The following AGAP2 variants were observed in gnomAD, a reference collection of about 807,000 sequenced individuals.
The protein encoded by AGAP2 is arf-GAP with GTPase, ANK repeat and PH domain-containing protein 2.
A neutral mutation model predicts 110.9 loss-of-function variants in AGAP2; 32 were observed. The ratio of observed to expected loss-of-function variants is 0.29; its 90% CI spans 0.22 to 0.39. AGAP2 has a LOEUF of 0.39. Among genes scored for constraint, AGAP2 ranks in the 10% least tolerant of loss-of-function variants. AGAP2 has a pLI of 1.00. For synonymous variants in AGAP2, 702 were observed against 713.0 expected (o/e 0.98, Z 0.25); for missense variants, 1,285 against 1,638.5 (o/e 0.78, Z 3.72).
At chr12:57,731,749 G>A in intron 8 of AGAP2, 60 bp downstream of exon 8, 2 of 1,571,026 alleles carry the variant, frequency 1.3e-6, no homozygotes, top group Non-Finnish European at 1.7e-6. Flanking sequence ...TAGGGACTAG[G>A]GAAGATGGGC....
upstream of AGAP2, chr12:57,739,936 G>T: frequency 6.6e-6 from 1 of 152,450 alleles, no homozygotes; most frequent in Non-Finnish European, 1.5e-5. Context: ...CCCTCTAGGG[G>T]TCTTGGAGTT....
Position 57,726,235 on chromosome 12 carries a change from G to A in AGAP2, c.*317C>T, listed in dbSNP as rs1954759836. On this transcript the variant is annotated 3_prime_UTR_variant, in exon 19 of 19. Transcript: ENST00000547588. This position sits in a 1 kb window ranked among gnomAD's most constrained non-coding sequence, Gnocchi z 5.7. ...GCCCCTAGGGGGCACAAGCGGGCAT[G>A]TCCAAGCGCCTAGGAGCCCGTACCG... 5.4e-6 allele frequency: 1 copy of A among 185,106 alleles called. No homozygotes were observed. The highest frequency in any genetic ancestry group is 2.0e-4 in the South Asian group (1 of 5,096). The allele number at this position is 185,106 out of a possible 1,614,324, so 11.5% of individuals were successfully genotyped here. A position where few individuals can be genotyped will look rare whatever the true frequency, so the allele number is the denominator to read the frequency against.
At chr12:57,731,067 T>A in intron 10 of AGAP2, 114 bp from the exon 11 acceptor site, 1 of 1,121,704 alleles carries the variant, frequency 8.9e-7, no homozygotes, top group South Asian at 1.7e-5. Context: ...GGGGGCCAAA[T>A]GGGTTGTGAT....
intron 3 of AGAP2, 36 bp from the exon 4 acceptor site, chr12:57,734,440 G>A: frequency 3.1e-6 from 5 of 1,610,800 alleles, no homozygotes; most frequent in Non-Finnish European, 4.2e-6. Context: ...ACAGGTCAGA[G>A]GTGACAGGTC....
At chr12:57,739,070 C>A (rs573398281), upstream of AGAP2, among the ~76,000 whole-genome samples, 1 of 148,638 alleles carries the variant, frequency 6.7e-6, no homozygotes, top group East Asian at 2.1e-4. Context: ...CTGGATTTCT[C>A]TCCCAAATCC....
At chr12:57,732,270 C>T in intron 7 of AGAP2, 133 bp downstream of exon 7, 2 of 921,184 alleles carry the variant, frequency 2.2e-6, no homozygotes, top group Non-Finnish European at 3.3e-6. Flanking sequence ...GCACTTTCTG[C>T]CAATAGTTTC....
intron 2 of AGAP2, among the ~76,000 whole-genome samples, chr12:57,735,008 C>CTG (rs144577553): frequency 3.3e-5 from 5 of 150,646 alleles, no homozygotes; most frequent in African/African-American, 1.2e-4. Context: ...GTGTGTGTCT[C>CTG]TGTGTGTGTG....
At position 57,727,681 on chromosome 12, in the gene AGAP2, TG is replaced by T; in HGVS notation, c.2856del (p.Asn953ThrfsTer7). The T allele has an allele frequency of 1.2e-6, 2 of 1,605,932 alleles. No homozygotes were observed. On this transcript the variant is annotated frameshift_variant and splice_region_variant, in exon 16 of 19. Transcript: ENST00000547588. LOFTEE classifies it high-confidence loss of function. Reference sequence around the variant, plus strand: ...CCCTCCGCTGCCTCCTGGCACTCACTGGGGGCCCCGCAGTCCACGCAGATTG... The same window carrying T: ...CCCTCCGCTGCCTCCTGGCACTCACTGGGGCCCCGCAGTCCACGCAGATTG... Reference protein sequence around the residue: ...GNSICVDCGAPNPTWASLNLG... With the variant: ...GNSICVDCGAXNPTWASLNLG...
intron 5 of AGAP2, among the ~76,000 whole-genome samples, chr12:57,733,721 G>A (rs1416274624): frequency 1.3e-5 from 2 of 152,180 alleles, no homozygotes; most frequent in African/African-American, 2.4e-5. Context: ...CTGTGTCCTA[G>A]GATGGTGGCA....
Position 57,737,359 on chromosome 12 carries a change from T to C in AGAP2, c.888A>G (p.Pro296=), listed in dbSNP as rs745875995. 1.9e-6 allele frequency: 3 copies of C among 1,613,366 alleles called. No homozygotes were observed. In the Admixed American group the frequency reaches 5.0e-5, roughly 27 times the overall value. Residue 296 remains proline (P), a synonymous_variant, in exon 1 of 19, where the codon CCA becomes CCG. Coordinates refer to ENST00000547588, the MANE Select transcript of AGAP2 (RefSeq NM_001122772.3). The surrounding 1 kb of genome is among the most constrained non-coding windows in gnomAD (Gnocchi z 5.9). ...PAGSPPPLTL[P]PTPSPATAVT... Reference sequence around the variant, plus strand: ...CAGCAGTGGCTGGACTCGGAGTTGGTGGGAGGGTTAGCGGAGGAGGAGAGC... The same window carrying C: ...CAGCAGTGGCTGGACTCGGAGTTGGCGGGAGGGTTAGCGGAGGAGGAGAGC...
At chr12:57,734,533 A>G in intron 3 of AGAP2, 59 bp downstream of exon 3, 1 of 1,596,490 alleles carries the variant, frequency 6.3e-7, no homozygotes, top group East Asian at 2.2e-5. Context: ...CTAATCATTG[A>G]TCTCACTCCT....
At chr12:57,728,280 C>T in intron 14 of AGAP2, 38 bp downstream of exon 14, 4 of 1,608,792 alleles carry the variant, frequency 2.5e-6, no homozygotes, top group Middle Eastern at 1.7e-4. Flanking sequence ...CCCTTCTGCA[C>T]CCCAGCTGAG....
In AGAP2 at chr12:57,734,120, G is replaced by A; in HGVS notation, c.1455C>T (p.Asn485=). 1 of 1,613,604 alleles carries A rather than the reference G, an allele frequency of 6.2e-7. No homozygotes were observed. Among genetic ancestry groups the A allele is most frequent in the Non-Finnish European group, 8.5e-7 (1 of 1,179,750 alleles). Residue 485 remains asparagine, a synonymous_variant, in exon 5 of 19, where the codon AAC becomes AAT. Coordinates refer to ENST00000547588, the MANE Select transcript of AGAP2 (RefSeq NM_001122772.3). ...VIFVFSLEDE[N]SFQAVSRLHG... is the part of the protein sequence containing the mutation. Reference sequence around the variant, plus strand: ...GGAGACGGCTCACAGCCTGGAAACTGTTCTCATCCTCCAGGCTGAAGACGA... The same window carrying A: ...GGAGACGGCTCACAGCCTGGAAACTATTCTCATCCTCCAGGCTGAAGACGA...
Position 57,726,406 on chromosome 12 carries a change from G to T in AGAP2, c.*146C>A. ...GAGTTTGTGTCTTCTGGAAGGCGTG[G>T]GGGCTGTGCCCTCGTGGGGGTAGGA... On this transcript the variant is annotated 3_prime_UTR_variant, in exon 19 of 19. Coordinates refer to ENST00000547588, the MANE Select transcript of AGAP2 (RefSeq NM_001122772.3). This position sits in a 1 kb window ranked among gnomAD's most constrained non-coding sequence, Gnocchi z 5.7. The T allele has an allele frequency of 1.3e-6, 1 of 788,176 alleles. No homozygotes were observed. The highest frequency in any genetic ancestry group is 1.6e-6 in the Non-Finnish European group (1 of 610,924). 48.8% of individuals were successfully genotyped at this position (788,176 alleles called of 1,614,324 possible).
chr12:57,727,629 A>AC, intron 16 of AGAP2, 47 bp from the exon 17 acceptor site: 1 of 1,589,256 alleles, frequency 6.3e-7, no homozygotes. Flanking sequence ...CAGCACAGGC[A>AC]CCCCGGCATT....
In AGAP2 at chr12:57,726,587, C is replaced by G; in HGVS notation, c.3544G>C (p.Val1182Leu). 8.3e-7 allele frequency: 1 copy of G among 1,204,000 alleles called. No individual in the cohort carries two copies. The highest frequency in any genetic ancestry group is 1.0e-6 in the Non-Finnish European group (1 of 969,714). 74.6% of individuals were successfully genotyped at this position (1,204,000 alleles called of 1,614,324 possible). Residue 1182 changes from valine to leucine, a missense_variant, in exon 19 of 19, where the codon GTG becomes CTG. Val to Leu is a conservative substitution (Grantham distance 32, BLOSUM62 1). Around this residue, in one of 7 missense-constraint regions of AGAP2, gnomAD observed 201 missense variants for 276.1 expected, o/e 0.73. Coordinates refer to ENST00000547588, the MANE Select transcript of AGAP2 (RefSeq NM_001122772.3). The surrounding 1 kb of genome is among the most constrained non-coding windows in gnomAD (Gnocchi z 5.7). ...GCAACCGGGGCGTCGGCGCGGCCCA[C>G]GCTAGCGGCGCTGCTCCGGCGGCGG... ...SPRRRSSAAS[V>L]GRADAPVALV
rs780378434 is a variant in AGAP2 at position 57,728,392 on chromosome 12, C to T, written c.2558-15G>A. 6.2e-6 allele frequency: 10 copies of T among 1,613,186 alleles called. No individual in the cohort carries two copies. The highest frequency in any genetic ancestry group is 1.3e-5 in the African/African-American group (1 of 74,902). ...TTTGCGCTTGGCTGGTTTCCCGAAG[C>T]GAAGGAGATAGAGATAGAATGGAGA... On this transcript the variant is annotated splice_polypyrimidine_tract_variant and intron_variant, in intron 13 of 18. Transcript: ENST00000547588.
chr12:57,731,493 T>G (rs761163854), intron 9 of AGAP2, 23 bp from the exon 10 acceptor site: 78 of 1,613,706 alleles, frequency 4.8e-5, no homozygotes, highest in Admixed American at 2.3e-4. Context: ...GAAAGACACA[T>G]GTGGGAAAAA....
In AGAP2 at chr12:57,731,073, G is replaced by C. The variant is rs985731371; in HGVS notation, c.2146-120C>G. 37 of 1,071,038 alleles carry C rather than the reference G, an allele frequency of 3.5e-5. No individual in the cohort carries two copies. In the Admixed American group the frequency reaches 1.0e-3, roughly 30 times the overall value. 66.3% of individuals were successfully genotyped at this position (1,071,038 alleles called of 1,614,324 possible). A position where few individuals can be genotyped will look rare whatever the true frequency, so the allele number is the denominator to read the frequency against. Reference sequence around the variant, plus strand: ...AGGGGTCTTGGGGGCCAAATGGGTTGTGATGAACATCTAGGGGATGGGCCC... The same window carrying C: ...AGGGGTCTTGGGGGCCAAATGGGTTCTGATGAACATCTAGGGGATGGGCCC... On this transcript the variant is annotated intron_variant, in intron 10 of 18. Transcript: ENST00000547588.
Sources: allele counts gnomAD v4.1 joint callset (sites outside exome capture counted in the v4.1 genomes callset), GRCh38; gene constraint gnomAD v4.1.1; regional missense constraint gnomAD v4.1.1; non-coding constraint Gnocchi (gnomAD v3.1); transcripts MANE v1.5; gene names NCBI Gene and HGNC (gene_info 2026-07-23, HGNC 2026-07-21).